The following CPAP variants were observed in gnomAD, a reference collection of about 807,000 sequenced individuals.
CPAP encodes centrosome assembly and centriole elongation protein.
the CPAP span, chr13:24,912,037 T>C: frequency 2.5e-6 from 4 of 1,613,860 alleles, no homozygotes; most frequent in Middle Eastern, 1.6e-4. Flanking sequence ...GCCTCTTCAA[T>C]TGTTCCTGCT....
the CPAP span, chr13:24,885,920 C>G: frequency 3.9e-6 from 2 of 510,246 alleles, no homozygotes; most frequent in African/African-American, 3.9e-5. Context: ...ATGAAACAGC[C>G]TGACAGACCC....
the CPAP span, among the ~76,000 whole-genome samples, chr13:24,900,339 A>C: frequency 6.6e-6 from 1 of 152,198 alleles, no homozygotes; most frequent in Non-Finnish European, 1.5e-5. Flanking sequence ...AAGGTGTCAA[A>C]AAAGGAGGAG....
the CPAP span, among the ~76,000 whole-genome samples, chr13:24,929,523 T>C: frequency 6.6e-6 from 1 of 152,242 alleles, no homozygotes; most frequent in Admixed American, 6.5e-5. Context: ...TACTGATAAT[T>C]TCTCTCAAGC....
chr13:24,910,611 T>G, the CPAP span, among the ~76,000 whole-genome samples: 1 of 152,204 alleles, frequency 6.6e-6, no homozygotes, highest in African/African-American at 2.4e-5. Context: ...TTAAGAATCC[T>G]AAGGGATCCT....
At chr13:24,905,562 A>G in the CPAP span, 4 of 1,614,196 alleles carry the variant, frequency 2.5e-6, no homozygotes, top group Non-Finnish European at 3.4e-6. Context: ...TTATTAGGGT[A>G]GCATGTCTGC....
the CPAP span, among the ~76,000 whole-genome samples, chr13:24,883,550 T>A: frequency 6.6e-6 from 1 of 152,220 alleles, no homozygotes; most frequent in East Asian, 1.9e-4. Context: ...GTTCCAATTA[T>A]CAGATTAGCA....
chr13:24,893,324 A>T, the CPAP span, among the ~76,000 whole-genome samples: 3 of 152,288 alleles, frequency 2.0e-5, no homozygotes, highest in Non-Finnish European at 4.4e-5. Flanking sequence ...ATAAATTTCC[A>T]GAAAAATGAG....
the CPAP span, among the ~76,000 whole-genome samples, chr13:24,930,909 A>G: frequency 6.6e-6 from 1 of 152,212 alleles, no homozygotes; most frequent in African/African-American, 2.4e-5. Flanking sequence ...ACAGTGGTTG[A>G]GCTAATTTAC....
At chr13:24,926,084 C>T in the CPAP span, among the ~76,000 whole-genome samples, 76 of 152,328 alleles carry the variant, frequency 5.0e-4, no homozygotes, top group South Asian at 4.1e-3. Flanking sequence ...TTTCATCCAT[C>T]GTCCAGCCAG....
At chr13:24,884,408 C>A in the CPAP span, 3 of 1,614,038 alleles carry the variant, frequency 1.9e-6, no homozygotes, top group Non-Finnish European at 2.5e-6. Context: ...CACTTCCTTT[C>A]GAGTTCCATT....
At chr13:24,906,433 C>G in the CPAP span, 2 of 1,613,686 alleles carry the variant, frequency 1.2e-6, no homozygotes, top group East Asian at 4.5e-5. Context: ...TAGCAGCCAG[C>G]CGGCTGGCCG....
chr13:24,929,853 G>A, the CPAP span, among the ~76,000 whole-genome samples: 2 of 141,936 alleles, frequency 1.4e-5, no homozygotes, highest in African/African-American at 5.3e-5. Context: ...TTTCAAGTTT[G>A]CTCATTCCTT....
At chr13:24,885,571 G>GT in the CPAP span, 3 of 1,399,080 alleles carry the variant, frequency 2.1e-6, no homozygotes, top group Non-Finnish European at 3.0e-6. Flanking sequence ...CCTAAGTAAT[G>GT]TATGTTTGAA....
At chr13:24,889,963 C>G in the CPAP span, among the ~76,000 whole-genome samples, 2 of 152,266 alleles carry the variant, frequency 1.3e-5, no homozygotes, top group Non-Finnish European at 2.9e-5. Flanking sequence ...TACCTCAGCT[C>G]CACACCCCAA....
the CPAP span, chr13:24,907,904 T>G: frequency 1.3e-6 from 1 of 777,192 alleles, no homozygotes; most frequent in Non-Finnish European, 2.2e-6. Flanking sequence ...CTTAAAAGCA[T>G]AGTCAAGCAA....
chr13:24,895,241 C>T, the CPAP span, among the ~76,000 whole-genome samples: 1 of 152,364 alleles, frequency 6.6e-6, no homozygotes, highest in East Asian at 1.9e-4. Flanking sequence ...GAGCCCGGCT[C>T]CTTGCAGCGC....
chr13:24,920,106 T>C, the CPAP span, among the ~76,000 whole-genome samples: 253 of 152,282 alleles, frequency 1.7e-3, 1 homozygote, highest in African/African-American at 5.7e-3. Context: ...GATGGTGTCA[T>C]TCTATAAGGC....
chr13:24,888,001 C>T, the CPAP span, among the ~76,000 whole-genome samples: 1 of 152,212 alleles, frequency 6.6e-6, no homozygotes, highest in Non-Finnish European at 1.5e-5. Context: ...CGGGCTGCCA[C>T]TCATCTATGT....
the CPAP span, chr13:24,892,831 A>G: frequency 1.2e-6 from 2 of 1,613,502 alleles, no homozygotes; most frequent in Non-Finnish European, 1.7e-6. Context: ...TTTCTTTTCA[A>G]ATCTTCCCGT....
Sources: gnomAD v4.1 joint callset for allele counts (sites outside exome capture counted in the v4.1 genomes callset) on GRCh38, gnomAD v4.1.1 for gene constraint, MANE v1.5 for transcripts, NCBI Gene and HGNC (gene_info 2026-07-23, HGNC 2026-07-21) for gene names.